The following SLC9D1 variants were observed in gnomAD, a reference collection of about 807,000 sequenced individuals.
SLC9D1 encodes putative LAG1-interacting protein.
the SLC9D1 span, among the ~76,000 whole-genome samples, chr13:113,500,913 C>A: frequency 3.9e-5 from 6 of 152,188 alleles, no homozygotes; most frequent in African/African-American, 1.4e-4. Context: ...TGTCAGTGCC[C>A]TCCAAGAAGG....
the SLC9D1 span, among the ~76,000 whole-genome samples, chr13:113,543,734 G>A: frequency 0.75 from 111,584 of 149,034 alleles, 42,728 homozygotes; most frequent in African/African-American, 0.9. Flanking sequence ...GCTTTGTTGA[G>A]TGTGCATGTC....
chr13:113,547,365 G>T, the SLC9D1 span: 1 of 1,613,948 alleles, frequency 6.2e-7, no homozygotes, highest in Non-Finnish European at 8.5e-7. Context: ...CACCTTGTCA[G>T]TGGTGGTGAT....
the SLC9D1 span, among the ~76,000 whole-genome samples, chr13:113,531,909 G>A: frequency 1.4e-3 from 217 of 152,350 alleles, 2 homozygotes; most frequent in Middle Eastern, 0.01. Flanking sequence ...CCTGGGGATG[G>A]TGGCTGTGGA....
chr13:113,534,080 T>C, the SLC9D1 span: 4 of 1,610,318 alleles, frequency 2.5e-6, no homozygotes, highest in Non-Finnish European at 3.4e-6. Flanking sequence ...CTGGTTTTGA[T>C]TGGTCAGATT....
the SLC9D1 span, among the ~76,000 whole-genome samples, chr13:113,519,787 C>T: frequency 7.3e-5 from 11 of 151,396 alleles, no homozygotes; most frequent in African/African-American, 2.7e-4. Context: ...AGGCTCATTC[C>T]GTGTGGTGGC....
At chr13:113,492,100 C>T in the SLC9D1 span, among the ~76,000 whole-genome samples, 2 of 152,162 alleles carry the variant, frequency 1.3e-5, no homozygotes, top group Admixed American at 1.3e-4. Flanking sequence ...CCGCCTCAGC[C>T]TCCCCAGGAG....
At chr13:113,509,699 T>G in the SLC9D1 span, among the ~76,000 whole-genome samples, 24 of 152,218 alleles carry the variant, frequency 1.6e-4, no homozygotes, top group Non-Finnish European at 2.8e-4. Context: ...CCAGGTTAAT[T>G]TCTTTGGTTG....
the SLC9D1 span, chr13:113,550,002 G>T: frequency 3.7e-6 from 1 of 266,896 alleles, no homozygotes; most frequent in African/African-American, 2.3e-5. Flanking sequence ...CGTGAGCTTG[G>T]AAGCTTACTT....
chr13:113,539,221 G>GAC, the SLC9D1 span: 12 of 800,686 alleles, frequency 1.5e-5, no homozygotes, highest in Non-Finnish European at 2.0e-5. This position sits in a 1 kb window ranked among gnomAD's most constrained non-coding sequence, Gnocchi z 4.8. Flanking sequence ...CCCAGGACCA[G>GAC]ACACACACAC....
At chr13:113,544,591 C>A in the SLC9D1 span, among the ~76,000 whole-genome samples, 1 of 152,260 alleles carries the variant, frequency 6.6e-6, no homozygotes. Flanking sequence ...CAACAAAATC[C>A]TCCAGACCGG....
At chr13:113,503,406 A>C in the SLC9D1 span, 1 of 847,060 alleles carries the variant, frequency 1.2e-6, no homozygotes, top group Non-Finnish European at 1.9e-6. Flanking sequence ...GGATACTTCC[A>C]CCGGGCATAC....
chr13:113,503,346 TGTG>T, the SLC9D1 span: 70 of 155,212 alleles, frequency 4.5e-4, no homozygotes, highest in African/African-American at 1.7e-3. Context: ...ACTGTGTGAT[TGTG>T]TGTGTGTGTG....
At chr13:113,524,702 T>A in the SLC9D1 span, among the ~76,000 whole-genome samples, 50 of 152,164 alleles carry the variant, frequency 3.3e-4, no homozygotes, top group African/African-American at 1.2e-3. Context: ...TAAAATAATA[T>A]TATTTTTTTT....
chr13:113,520,660 C>G, the SLC9D1 span: 1 of 1,614,074 alleles, frequency 6.2e-7, no homozygotes, highest in Admixed American at 1.7e-5. Flanking sequence ...GCTGGTGACG[C>G]AGGACGTGCA....
At chr13:113,544,796 C>T in the SLC9D1 span, among the ~76,000 whole-genome samples, 1 of 152,370 alleles carries the variant, frequency 6.6e-6, no homozygotes, top group South Asian at 2.1e-4. Flanking sequence ...GTAGCTCCCG[C>T]AGACCCTGTC....
At chr13:113,539,149 C>T in the SLC9D1 span, among the ~76,000 whole-genome samples, 1 of 152,052 alleles carries the variant, frequency 6.6e-6, no homozygotes, top group African/African-American at 2.4e-5. The surrounding 1 kb of genome is among the most constrained non-coding windows in gnomAD (Gnocchi z 4.8). Flanking sequence ...TTTTTTTCTC[C>T]CAGTAAGGTT....
chr13:113,495,560 C>A, the SLC9D1 span: 7 of 1,515,668 alleles, frequency 4.6e-6, no homozygotes, highest in Non-Finnish European at 5.3e-6. Context: ...GATTGCTGTG[C>A]CCTGCCCTCC....
At chr13:113,505,912 C>T in the SLC9D1 span, 1 of 152,262 alleles carries the variant, frequency 6.6e-6, no homozygotes, top group Non-Finnish European at 1.5e-5. Context: ...CTTCCCATTA[C>T]TCTCCCTTTC....
At chr13:113,549,780 A>C in the SLC9D1 span, 1 of 685,502 alleles carries the variant, frequency 1.5e-6, no homozygotes. Flanking sequence ...ACTGCGTTTT[A>C]CCGATCACCT....
Sources: gnomAD v4.1 joint callset for allele counts (sites outside exome capture counted in the v4.1 genomes callset) on GRCh38, gnomAD v4.1.1 for gene constraint, Gnocchi (gnomAD v3.1) non-coding constraint, MANE v1.5 for transcripts, NCBI Gene and HGNC (gene_info 2026-07-23, HGNC 2026-07-21) for gene names.